Variants in C1QTNF3 observed in about 807,000 individuals in gnomAD.
The protein encoded by C1QTNF3 is complement C1q tumor necrosis factor-related protein 3.
A neutral mutation model predicts 32.6 loss-of-function variants in C1QTNF3; 26 were observed. The observed-to-expected ratio is 0.80, with a 90% confidence interval of 0.58 to 1.11. The LOEUF (loss-of-function observed/expected upper bound fraction) is 1.11. Among genes scored for constraint, C1QTNF3 ranks in the 50% least tolerant of loss-of-function variants. The pLI is 0.00. For missense variants in C1QTNF3, 362 were observed against 398.2 expected, an observed-to-expected ratio of 0.91 and a Z score of 0.77; for synonymous variants, 155 against 146.0, an observed-to-expected ratio of 1.06 and a Z score of -0.44.
At chr5:34,087,740 T>C in the C1QTNF3 span, among the ~76,000 whole-genome samples, 1 of 152,126 alleles carries the variant, frequency 6.6e-6, no homozygotes, top group African/African-American at 2.4e-5. Context: ...CATGACACCA[T>C]TTCTGTCTAA....
At chr5:34,129,217 T>G in the C1QTNF3 span, among the ~76,000 whole-genome samples, 2 of 152,186 alleles carry the variant, frequency 1.3e-5, no homozygotes. Context: ...CCTCAGGAAC[T>G]GTGTGTCAAT....
At chr5:34,175,948 G>A in the C1QTNF3 span, 1 of 833,342 alleles carries the variant, frequency 1.2e-6, no homozygotes, top group Admixed American at 1.7e-5. Flanking sequence ...CTGAACATCA[G>A]AGGTGGATCC....
At chr5:34,197,371 A>C in the C1QTNF3 span, among the ~76,000 whole-genome samples, 1 of 152,214 alleles carries the variant, frequency 6.6e-6, no homozygotes, top group Non-Finnish European at 1.5e-5. Context: ...TAATATTAAC[A>C]GTATGCTGTC....
the C1QTNF3 span, chr5:34,219,795 C>T: frequency 6.6e-6 from 1 of 152,158 alleles, no homozygotes; most frequent in East Asian, 1.9e-4. Context: ...TGTGGATGTT[C>T]TTTAAAATAA....
the C1QTNF3 span, among the ~76,000 whole-genome samples, chr5:34,221,268 T>C: frequency 6.6e-6 from 1 of 152,120 alleles, no homozygotes; most frequent in African/African-American, 2.4e-5. Context: ...CACTAAAACA[T>C]GCCTTTGATA....
chr5:34,210,032 T>C, the C1QTNF3 span, among the ~76,000 whole-genome samples: 2 of 152,072 alleles, frequency 1.3e-5, no homozygotes, highest in African/African-American at 2.4e-5. Context: ...CTACCAATGA[T>C]ACAATATTGA....
chr5:34,215,243 C>T, the C1QTNF3 span, among the ~76,000 whole-genome samples: 8 of 152,198 alleles, frequency 5.3e-5, 1 homozygote, highest in Admixed American at 3.9e-4. Flanking sequence ...AGCATACATA[C>T]ATATGACACT....
the C1QTNF3 span, among the ~76,000 whole-genome samples, chr5:34,224,797 C>T: frequency 5.3e-5 from 8 of 152,182 alleles, no homozygotes; most frequent in Admixed American, 4.6e-4. Context: ...CCAAAATTGA[C>T]AAATGGGATC....
At chr5:34,085,862 A>T in the C1QTNF3 span, among the ~76,000 whole-genome samples, 1 of 151,606 alleles carries the variant, frequency 6.6e-6, no homozygotes, top group Non-Finnish European at 1.5e-5. Flanking sequence ...TTGTTCAATC[A>T]TTGTGGAAGA....
At chr5:34,073,366 A>G in the C1QTNF3 span, among the ~76,000 whole-genome samples, 2 of 152,200 alleles carry the variant, frequency 1.3e-5, no homozygotes, top group African/African-American at 4.8e-5. Context: ...TGTTAATGAA[A>G]CATGATACAT....
At chr5:34,243,465 T>C in the C1QTNF3 span, among the ~76,000 whole-genome samples, 1 of 152,166 alleles carries the variant, frequency 6.6e-6, no homozygotes, top group Non-Finnish European at 1.5e-5. Flanking sequence ...TTACTGGGTA[T>C]ATATTCAAAG....
chr5:34,219,863 C>G, the C1QTNF3 span: 1 of 152,098 alleles, frequency 6.6e-6, no homozygotes, highest in African/African-American at 2.4e-5. Flanking sequence ...AGGTTCTAGA[C>G]ACAGGGGCTA....
intron 2 of C1QTNF3, 50 bp downstream of exon 2, chr5:34,035,597 C>T (rs1754716280): frequency 2.2e-6 from 3 of 1,368,080 alleles, no homozygotes; most frequent in Non-Finnish European, 3.1e-6. Context: ...TTTGCTCCTA[C>T]TTTAGCTCAG....
At chr5:34,207,877 T>C in the C1QTNF3 span, among the ~76,000 whole-genome samples, 1 of 151,600 alleles carries the variant, frequency 6.6e-6, no homozygotes, top group African/African-American at 2.4e-5. Context: ...AAACTCCGCC[T>C]CCCGGGTTCA....
At chr5:34,135,800 T>C in the C1QTNF3 span, among the ~76,000 whole-genome samples, 1 of 145,560 alleles carries the variant, frequency 6.9e-6, no homozygotes, top group Non-Finnish European at 1.5e-5. Context: ...TATAGATCAA[T>C]GGAACAGAAC....
At chr5:34,091,459 TTTTG>T in the C1QTNF3 span, among the ~76,000 whole-genome samples, 13 of 152,242 alleles carry the variant, frequency 8.5e-5, no homozygotes, top group Non-Finnish European at 1.3e-4. Context: ...TCTTCTTTCA[TTTTG>T]TTTGTTTTTT....
At chr5:34,127,979 A>C in the C1QTNF3 span, among the ~76,000 whole-genome samples, 1 of 151,920 alleles carries the variant, frequency 6.6e-6, no homozygotes, top group Non-Finnish European at 1.5e-5. Context: ...AATGAGGAAA[A>C]AGTCCTCAGG....
chr5:34,130,295 T>C, the C1QTNF3 span, among the ~76,000 whole-genome samples: 222 of 152,286 alleles, frequency 1.5e-3, no homozygotes, highest in African/African-American at 5.1e-3. Context: ...GAATTTAAGC[T>C]AAAACATGAT....
chr5:34,227,364 T>C, the C1QTNF3 span, among the ~76,000 whole-genome samples: 1 of 151,990 alleles, frequency 6.6e-6, no homozygotes, highest in East Asian at 1.9e-4. Context: ...TGGCTGCATG[T>C]ATGCTCTGTG....
Sources: allele counts gnomAD v4.1 joint callset (sites outside exome capture counted in the v4.1 genomes callset), GRCh38; gene constraint gnomAD v4.1.1; transcripts MANE v1.5; gene names NCBI Gene and HGNC (gene_info 2026-07-23, HGNC 2026-07-21).